CCL28: variants seen among roughly 807,000 people sequenced by gnomAD.
CCL28 encodes C-C motif chemokine 28.
CCL28 carries 4 observed loss-of-function variants against 7.1 expected under a neutral mutation model. The observed-to-expected ratio is 0.56, with a 90% CI of 0.28 to 1.29. CCL28 has a LOEUF of 1.29. Ranked by LOEUF, CCL28 falls within the 50% of genes most tolerant of loss-of-function variation. The pLI, the probability that CCL28 is intolerant of heterozygous loss-of-function variation, is 0.11. For synonymous variants in CCL28, 55 were observed against 57.8 expected, an observed-to-expected ratio of 0.95 and a Z score of 0.22; for missense variants, 151 against 163.4, an observed-to-expected ratio of 0.92 and a Z score of 0.41.
chr5:43,382,018 G>T lies in CCL28; in HGVS notation c.226C>A (p.Pro76Thr). 1 of 1,613,424 alleles carries T rather than the reference G, an allele frequency of 6.2e-7. No individual in the cohort carries two copies. The highest frequency in any genetic ancestry group is 1.1e-5 in the South Asian group (1 of 90,894). The change falls in exon 3 of 3, where the codon CCG (proline) becomes ACG (threonine). Residue 76 changes from proline (P) to threonine (T), a missense_variant. Pro to Thr is a conservative substitution (Grantham distance 38). Transcript: ENST00000361115. ...CACTGCTTAACAGTATGGTTGTGCG[G>T]GCTGACACAGATTCTTCTGCGCTTG... is the stretch of plus-strand genomic sequence containing the variant. ...HVKRRRICVSPHNHTVKQWMK... is the reference protein window; with the variant it reads ...HVKRRRICVSTHNHTVKQWMK...
intron 1 of CCL28, among the ~76,000 whole-genome samples, chr5:43,396,663 C>A (rs372335203): frequency 6.6e-6 from 1 of 151,766 alleles, no homozygotes; most frequent in Non-Finnish European, 1.5e-5. Flanking sequence ...AAATTTAGCC[C>A]TAAATGCATT....
intron 1 of CCL28, among the ~76,000 whole-genome samples, chr5:43,405,472 G>C (rs1741236470): frequency 6.6e-6 from 1 of 152,192 alleles, no homozygotes. Flanking sequence ...TAACATACCA[G>C]AATCTCTGGG....
chr5:43,378,684 C>T (rs569633454), downstream of CCL28, among the ~76,000 whole-genome samples: 44 of 152,204 alleles, frequency 2.9e-4, no homozygotes, highest in East Asian at 3.3e-3. Context: ...TGGTTTTGGC[C>T]GGGCGCGGTG....
chr5:43,368,540 A>G, the CCL28 span, among the ~76,000 whole-genome samples: 1 of 152,230 alleles, frequency 6.6e-6, no homozygotes, highest in African/African-American at 2.4e-5. Context: ...CCATTCCCAT[A>G]GCACTCATCT....
chr5:43,407,633 A>T (rs767668104), intron 1 of CCL28, among the ~76,000 whole-genome samples: 1 of 152,272 alleles, frequency 6.6e-6, no homozygotes, highest in Non-Finnish European at 1.5e-5. Context: ...AATAGCCAAA[A>T]TTGACAAATG....
At chr5:43,400,866 T>C (rs925718614) in intron 1 of CCL28, among the ~76,000 whole-genome samples, 1 of 151,972 alleles carries the variant, frequency 6.6e-6, no homozygotes, top group African/African-American at 2.4e-5. Flanking sequence ...GGGCAGATCA[T>C]GGTGTCAGGA....
chr5:43,410,311 C>T (rs892213810), intron 1 of CCL28, among the ~76,000 whole-genome samples: 2 of 152,208 alleles, frequency 1.3e-5, no homozygotes, highest in East Asian at 1.9e-4. Context: ...ATAGCTGTGG[C>T]GTTGCCCCTC....
intron 1 of CCL28, among the ~76,000 whole-genome samples, chr5:43,410,528 CA>C (rs1741494537): frequency 6.6e-6 from 1 of 152,150 alleles, no homozygotes; most frequent in African/African-American, 2.4e-5. Flanking sequence ...CCTTTTCACA[CA>C]CCTCTGCATT....
intron 1 of CCL28, among the ~76,000 whole-genome samples, chr5:43,395,531 A>G (rs1045070025): frequency 2.0e-5 from 3 of 152,072 alleles, no homozygotes; most frequent in African/African-American, 7.2e-5. Flanking sequence ...TTAAAAGATT[A>G]GCCAGGCGTT....
At chr5:43,373,414 C>G (rs1221372493), downstream of CCL28, among the ~76,000 whole-genome samples, 1 of 152,116 alleles carries the variant, frequency 6.6e-6, no homozygotes, top group Non-Finnish European at 1.5e-5. Context: ...GATTCTCCTG[C>G]CTCAGCCTCC....
At chr5:43,385,482 C>A (rs1186635589) in intron 2 of CCL28, among the ~76,000 whole-genome samples, 1 of 152,312 alleles carries the variant, frequency 6.6e-6, no homozygotes, top group Non-Finnish European at 1.5e-5. Flanking sequence ...TAAACACTTT[C>A]TCAAATCTTA....
the CCL28 span, among the ~76,000 whole-genome samples, chr5:43,367,739 G>A: frequency 6.6e-6 from 1 of 152,180 alleles, no homozygotes; most frequent in South Asian, 2.1e-4. Context: ...ATGTACCTCA[G>A]TTGGAAATGC....
downstream of CCL28, among the ~76,000 whole-genome samples, chr5:43,374,400 A>G (rs1163754061): frequency 6.6e-6 from 1 of 152,248 alleles, no homozygotes; most frequent in Admixed American, 6.5e-5. Flanking sequence ...TATCATTGTA[A>G]AAACAGTGTG....
At chr5:43,359,966 C>A in the CCL28 span, among the ~76,000 whole-genome samples, 4 of 152,102 alleles carry the variant, frequency 2.6e-5, no homozygotes, top group African/African-American at 9.6e-5. Context: ...TAGTCCCCTG[C>A]CCACCAAATT....
At chr5:43,377,967 C>T (rs1018994215), downstream of CCL28, among the ~76,000 whole-genome samples, 1 of 133,524 alleles carries the variant, frequency 7.5e-6, no homozygotes, top group Admixed American at 6.9e-5. Flanking sequence ...CTCCTGACCT[C>T]GTGATCCGCC....
downstream of CCL28, among the ~76,000 whole-genome samples, chr5:43,374,730 G>C (rs1258619912): frequency 6.7e-6 from 1 of 148,548 alleles, no homozygotes; most frequent in African/African-American, 2.5e-5. Context: ...GCAGTGAGCC[G>C]AGATCGAGCC....
At chr5:43,365,140 G>A in the CCL28 span, among the ~76,000 whole-genome samples, 1 of 151,912 alleles carries the variant, frequency 6.6e-6, no homozygotes, top group Non-Finnish European at 1.5e-5. Context: ...AAGTAACTGG[G>A]ATTACAGACA....
At chr5:43,358,395 T>C in the CCL28 span, among the ~76,000 whole-genome samples, 1 of 152,212 alleles carries the variant, frequency 6.6e-6, no homozygotes, top group Non-Finnish European at 1.5e-5. Context: ...TCAAAATTGC[T>C]TTCCTTATAA....
At chr5:43,360,833 A>G in the CCL28 span, among the ~76,000 whole-genome samples, 2,638 of 151,390 alleles carry the variant, frequency 0.017, 76 homozygotes, top group African/African-American at 0.06. Flanking sequence ...TTTTTTCTTC[A>G]ACTTTGAAGT....
Sources: gnomAD v4.1 joint callset for allele counts (sites outside exome capture counted in the v4.1 genomes callset) on GRCh38, gnomAD v4.1.1 for gene constraint, MANE v1.5 for transcripts, NCBI Gene and HGNC (gene_info 2026-07-23, HGNC 2026-07-21) for gene names.